The following CDYL variants were observed in gnomAD, a reference collection of about 807,000 sequenced individuals.
The protein encoded by CDYL is chromodomain Y like.
Under a neutral mutation model 47.3 loss-of-function variants are expected in CDYL, and 8 were observed. That is an observed-to-expected ratio of 0.17 (90% CI 0.10 to 0.31). The LOEUF is 0.31. CDYL is among the 10% of genes least tolerant of loss of function. CDYL has a pLI of 1.00. For synonymous variants in CDYL, 266 were observed against 265.0 expected, an observed-to-expected ratio of 1.00 and a Z score of -0.04; for missense variants, 471 against 701.4, an observed-to-expected ratio of 0.67 and a Z score of 3.71.
At position 4,860,621 on chromosome 6, in the gene CDYL, T is replaced by C. The variant is rs138824279; in HGVS notation, c.25-31092T>C. The stretch of plus-strand genomic sequence containing the variant: ...TATATCATATATATTATATTTTGTA[T>C]CATATTATGTATATTATATAATATA... On this transcript the variant is annotated intron_variant, in intron 1 of 6. Transcript: ENST00000397588. 2.5e-3 allele frequency among the ~76,000 whole-genome samples: 366 copies of C among 147,718 alleles called. 2 individuals carry two copies. Among genetic ancestry groups the C allele is most frequent in the African/African-American group, 8.8e-3 (359 of 40,718 alleles).
chr6:4,933,241 C>T (rs1561716380), intron 2 of CDYL, among the ~76,000 whole-genome samples: 1 of 152,204 alleles, frequency 6.6e-6, no homozygotes, highest in African/African-American at 2.4e-5. Context: ...ACCCCAAGTA[C>T]CTCTCTCCAA....
At chr6:4,933,358 G>A (rs79734348) in intron 2 of CDYL, among the ~76,000 whole-genome samples, 6 of 152,188 alleles carry the variant, frequency 3.9e-5, no homozygotes, top group Admixed American at 2.0e-4. Flanking sequence ...TCCTCCCTCA[G>A]CAACTCCAGG....
chr6:4,819,308 T>C (rs1401964531), intron 1 of CDYL, among the ~76,000 whole-genome samples: 1 of 152,042 alleles, frequency 6.6e-6, no homozygotes, highest in Non-Finnish European at 1.5e-5. Context: ...ACTTTATTCA[T>C]ACTCAACTCA....
intron 1 of CDYL, among the ~76,000 whole-genome samples, chr6:4,883,025 A>G (rs1761805278): frequency 6.6e-6 from 1 of 152,190 alleles, no homozygotes; most frequent in African/African-American, 2.4e-5. Flanking sequence ...ATTGGTCAAA[A>G]TGGAGGACAT....
At position 4,833,616 on chromosome 6, in the gene CDYL, C is replaced by G. The variant is rs1760210414; in HGVS notation, c.24+56809C>G. On this transcript the variant is annotated intron_variant, in intron 1 of 6. Coordinates refer to ENST00000397588, the MANE Select transcript of CDYL (RefSeq NM_004824.4). ...GCTTGGTGCAGAGCTGAGTTCAATT[C>G]CTGGGTATCCTTGTTGACTTTCTGT... Among the ~76,000 whole-genome samples, 4 of 149,626 alleles carry G rather than the reference C, an allele frequency of 2.7e-5. No individual in the cohort carries two copies. In the South Asian group the frequency reaches 8.4e-4, roughly 32 times the overall value.
At chr6:4,895,267 A>ATG (rs1554105692) in intron 2 of CDYL, among the ~76,000 whole-genome samples, 6 of 10,728 alleles carry the variant, frequency 5.6e-4, no homozygotes, top group African/African-American at 2.5e-3. Context: ...GCATGTATAC[A>ATG]TGTATGTATA....
intron 2 of CDYL, among the ~76,000 whole-genome samples, chr6:4,919,090 G>A (rs1757637230): frequency 6.6e-6 from 1 of 152,178 alleles, no homozygotes; most frequent in Non-Finnish European, 1.5e-5. Flanking sequence ...TAATTAGAGT[G>A]TTTTGTTCCA....
At chr6:4,732,409 A>G (rs1582291298) in intron 2 of CDYL, among the ~76,000 whole-genome samples, 1 of 152,016 alleles carries the variant, frequency 6.6e-6, no homozygotes, top group East Asian at 1.9e-4. Flanking sequence ...ATCCCAGCAC[A>G]TTGGGAGGCA....
Position 4,750,553 on chromosome 6 carries a change from GCT to G in CDYL, c.186+15710_186+15711del, listed in dbSNP as rs200202184. Among the ~76,000 whole-genome samples the G allele has an allele frequency of 8.2e-3, 1,252 of 152,292 alleles. 21 individuals are homozygous for G. Among genetic ancestry groups the G allele is most frequent in the African/African-American group, 0.029 (1,195 of 41,550 alleles). On this transcript the variant is annotated intron_variant, in intron 3 of 8. Transcript: ENST00000328908. ...ATGGTGGCACATGTAGGTAGTCTCA[GCT>G]ACTCAGGAGGCTGGGGCCAGAGGAC...
At chr6:4,832,009 T>C (rs1171364834) in intron 1 of CDYL, among the ~76,000 whole-genome samples, 4 of 152,128 alleles carry the variant, frequency 2.6e-5, no homozygotes, top group African/African-American at 9.7e-5. Context: ...TATACAATCA[T>C]GTCATCTGCA....
At chr6:4,836,476 G>A (rs1760310712) in intron 1 of CDYL, among the ~76,000 whole-genome samples, 1 of 152,040 alleles carries the variant, frequency 6.6e-6, no homozygotes, top group Admixed American at 6.5e-5. Context: ...TTTCCTTCCT[G>A]TGATACCACT....
At chr6:4,789,894 C>A (rs1758872106) in intron 1 of CDYL, among the ~76,000 whole-genome samples, 1 of 152,202 alleles carries the variant, frequency 6.6e-6, no homozygotes, top group South Asian at 2.1e-4. Context: ...ATAAAATCCT[C>A]CTGTTCCTCT....
intron 2 of CDYL, among the ~76,000 whole-genome samples, chr6:4,895,078 T>C (rs1762181571): frequency 1.7e-5 from 1 of 58,300 alleles, no homozygotes; most frequent in Non-Finnish European, 6.8e-5. Flanking sequence ...TATGTATCTA[T>C]ATGCACATAT....
At chr6:4,763,527 A>G (rs1424550881) in intron 3 of CDYL, among the ~76,000 whole-genome samples, 1 of 152,244 alleles carries the variant, frequency 6.6e-6, no homozygotes, top group Non-Finnish European at 1.5e-5. Context: ...CAGGAAAAAA[A>G]TAAAAGTATT....
At chr6:4,814,381 G>T (rs370677917) in intron 1 of CDYL, among the ~76,000 whole-genome samples, 1 of 152,102 alleles carries the variant, frequency 6.6e-6, no homozygotes, top group South Asian at 2.1e-4. Context: ...AACTGAACAG[G>T]TATTTTACTG....
At chr6:4,809,371 A>G (rs1759460963) in intron 1 of CDYL, among the ~76,000 whole-genome samples, 1 of 152,228 alleles carries the variant, frequency 6.6e-6, no homozygotes, top group African/African-American at 2.4e-5. Context: ...TGGTGTTTGT[A>G]ATTATAAACG....
intron 2 of CDYL, among the ~76,000 whole-genome samples, chr6:4,933,907 G>A (rs539099135): frequency 1.5e-4 from 23 of 152,336 alleles, no homozygotes; most frequent in African/African-American, 5.3e-4. Context: ...ATGAATTACA[G>A]TGCATCCCTA....
intron 5 of CDYL, among the ~76,000 whole-genome samples, chr6:4,949,109 G>A (rs151301806): frequency 1.3e-5 from 2 of 152,388 alleles, no homozygotes; most frequent in African/African-American, 2.4e-5. Flanking sequence ...GCCCTCCGCT[G>A]TAGGCGAGGG....
At chr6:4,775,630 C>T (rs1463630417), upstream of CDYL, among the ~76,000 whole-genome samples, 1 of 151,066 alleles carries the variant, frequency 6.6e-6, no homozygotes, top group Non-Finnish European at 1.5e-5. The surrounding 1 kb of genome is among the most constrained non-coding windows in gnomAD (Gnocchi z 7.0). Flanking sequence ...CGCGCCCTCG[C>T]GCCGCCCTCC....
Sources: gnomAD v4.1 joint callset for allele counts (sites outside exome capture counted in the v4.1 genomes callset) on GRCh38, gnomAD v4.1.1 for gene constraint, Gnocchi (gnomAD v3.1) non-coding constraint, MANE v1.5 for transcripts, NCBI Gene and HGNC (gene_info 2026-07-23, HGNC 2026-07-21) for gene names.